The following ZNF91 variants were observed in gnomAD, a reference collection of about 807,000 sequenced individuals.
ZNF91 encodes the protein zinc finger protein 91 (HPF7, HTF10).
In ZNF91, 7 loss-of-function variants were observed where a neutral mutation model predicts 12.6. The observed-to-expected ratio is 0.55, with a 90% confidence interval of 0.31 to 1.04. The LOEUF is 1.04. Ranked by LOEUF, ZNF91 falls within the 50% of genes least tolerant of loss-of-function variation. The pLI is 0.05. For synonymous variants in ZNF91, 453 were observed against 462.6 expected, an observed-to-expected ratio of 0.98 and a Z score of 0.27; for missense variants, 1,217 against 1,385.4, an observed-to-expected ratio of 0.88 and a Z score of 1.93.
At position 23,395,399 on chromosome 19, in the gene ZNF91, G is replaced by A. The variant is rs1424559417; in HGVS notation, c.-45C>T. 8.1e-6 allele frequency: 13 copies of A among 1,609,980 alleles called. No individual in the cohort carries two copies. Among genetic ancestry groups the A allele is most frequent in the Middle Eastern group, 1.7e-4 (1 of 6,040 alleles). ...TACCTGCAGGTCACAGGGCCACACA[G>A]GCTGGGCCTCCTGGAGCAGAGGACA... On this transcript the variant is annotated 5_prime_UTR_variant, in exon 1 of 4. Transcript: ENST00000300619.
chr19:23,355,946 G>A (rs1012635582), downstream of ZNF91, among the ~76,000 whole-genome samples: 5 of 152,138 alleles, frequency 3.3e-5, no homozygotes, highest in African/African-American at 1.2e-4. Context: ...AACCCACAAT[G>A]CGATACCACC....
chr19:23,327,890 AATTTG>A (rs1173258510), intron 1 of ZNF91: 9 of 152,160 alleles, frequency 5.9e-5, no homozygotes, highest in Admixed American at 5.2e-4. Flanking sequence ...TGTTTCTCTG[AATTTG>A]ATTTGTGTTT....
chr19:23,315,703 G>C (rs1275112673), intron 1 of ZNF91, among the ~76,000 whole-genome samples: 1 of 152,178 alleles, frequency 6.6e-6, no homozygotes, highest in Non-Finnish European at 1.5e-5. Context: ...AGATAAGTGA[G>C]CACTGACTCT....
At chr19:23,376,494 A>C (rs1969509607) in intron 1 of ZNF91, among the ~76,000 whole-genome samples, 1 of 151,842 alleles carries the variant, frequency 6.6e-6, no homozygotes, top group South Asian at 2.1e-4. Context: ...GGTTCAAGCA[A>C]TTCTCCTGCC....
intron 1 of ZNF91, among the ~76,000 whole-genome samples, chr19:23,323,636 CCTTCT>C (rs1463283551): frequency 4.9e-5 from 7 of 141,808 alleles, no homozygotes; most frequent in South Asian, 2.3e-4. Context: ...TTCTCCTCCT[CCTTCT>C]CTTCTCCTCT....
At chr19:23,321,984 C>T (rs1318423509) in intron 1 of ZNF91, among the ~76,000 whole-genome samples, 4 of 152,174 alleles carry the variant, frequency 2.6e-5, no homozygotes, top group Non-Finnish European at 5.9e-5. Context: ...CTTCTCTTAC[C>T]TGGGCTTTGC....
intron 1 of ZNF91, among the ~76,000 whole-genome samples, chr19:23,318,202 G>A (rs977158080): frequency 1.4e-4 from 22 of 152,132 alleles, no homozygotes; most frequent in African/African-American, 5.3e-4. Context: ...TGATTCTCCT[G>A]TCTGTACCCT....
chr19:23,307,546 C>T (rs1479262895), intron 2 of ZNF91: 2 of 152,238 alleles, frequency 1.3e-5, no homozygotes, highest in Non-Finnish European at 2.9e-5. Flanking sequence ...GGGGACCTGT[C>T]CACAGTGAAG....
chr19:23,322,272 A>T (rs985522291), intron 1 of ZNF91, among the ~76,000 whole-genome samples: 1 of 152,108 alleles, frequency 6.6e-6, no homozygotes, highest in Non-Finnish European at 1.5e-5. Context: ...TTCCTCTCAG[A>T]AAGTATTGTG....
At position 23,359,031 on chromosome 19, in the gene ZNF91, G is replaced by C; in HGVS notation, c.*372C>G. On this transcript the variant is annotated 3_prime_UTR_variant, in exon 4 of 4. Transcript: ENST00000300619. ...AGGCTTTGCCAAATTTTTCCTGTTTGTAGGGTTGCTGTCCAGTATGAATTT... is the reference window on the plus strand; with the variant it reads ...AGGCTTTGCCAAATTTTTCCTGTTTCTAGGGTTGCTGTCCAGTATGAATTT... 1 of 522,724 alleles carries C rather than the reference G, an allele frequency of 1.9e-6. No homozygotes were observed. The highest frequency in any genetic ancestry group is 3.7e-6 in the Non-Finnish European group (1 of 268,652). The allele number at this position is 522,724 out of a possible 1,614,324, so 32.4% of individuals were successfully genotyped here.
exon 2 of ZNF91, chr19:23,309,090 T>C (rs1967433681): frequency 6.7e-6 from 1 of 148,340 alleles, no homozygotes; most frequent in East Asian, 2.0e-4. Flanking sequence ...TTCTCTTCTG[T>C]CTGGGCCCTG....
rs957622798 is a variant in ZNF91, at chr19:23,361,204, T to C, written c.1775A>G (p.His592Arg). Residue 592 changes from histidine (H) to arginine (R), a missense_variant, in exon 4 of 4, where the codon CAT (histidine) becomes CGT (arginine). By Grantham distance (29) the His-to-Arg change is conservative. This residue lies in a region of ZNF91 where 726 missense variants were observed against 895.5 expected (regional missense o/e 0.81). Transcript: ENST00000300619. ...AFNHSSSLST[H>R]KIIHTGEKSY... ...CTTCTCTCCAGTATGAATTATCTTATGTGTAGAAAGACTTGAGGAATGATT... is the reference window on the plus strand; with the variant it reads ...CTTCTCTCCAGTATGAATTATCTTACGTGTAGAAAGACTTGAGGAATGATT... 7 of 1,613,702 alleles carry C rather than the reference T, an allele frequency of 4.3e-6. No individual in the cohort carries two copies. Among genetic ancestry groups the C allele is most frequent in the East Asian group, 4.5e-5 (2 of 44,830 alleles).
At chr19:23,387,694 C>T (rs989872596) in intron 1 of ZNF91, among the ~76,000 whole-genome samples, 4 of 152,274 alleles carry the variant, frequency 2.6e-5, no homozygotes, top group Admixed American at 2.0e-4. Flanking sequence ...AATCCCAGAA[C>T]TTTGGGAGGC....
chr19:23,365,059 A>G (rs1233989238), intron 3 of ZNF91, among the ~76,000 whole-genome samples: 2 of 152,162 alleles, frequency 1.3e-5, no homozygotes, highest in South Asian at 2.1e-4. Context: ...ATTAGGCACC[A>G]TCAACTAGAT....
At chr19:23,330,049 T>C (rs1777221023) in intron 1 of ZNF91, among the ~76,000 whole-genome samples, 1 of 152,184 alleles carries the variant, frequency 6.6e-6, no homozygotes, top group Admixed American at 6.5e-5. Context: ...TTACTGGGAC[T>C]CGCGGCCAGG....
chr19:23,322,048 C>G (rs1410262937), intron 1 of ZNF91, among the ~76,000 whole-genome samples: 1 of 152,190 alleles, frequency 6.6e-6, no homozygotes, highest in Admixed American at 6.5e-5. Context: ...ACACTCTCCT[C>G]TGATTGTTAC....
At chr19:23,388,556 C>A (rs1969952982) in intron 1 of ZNF91, among the ~76,000 whole-genome samples, 1 of 152,006 alleles carries the variant, frequency 6.6e-6, no homozygotes. Flanking sequence ...CAACATGAAG[C>A]TGGAGACCAT....
chr19:23,376,560 T>A (rs1432058213), intron 1 of ZNF91, among the ~76,000 whole-genome samples: 2 of 152,078 alleles, frequency 1.3e-5, no homozygotes, highest in Non-Finnish European at 2.9e-5. Context: ...CAGCTAATTT[T>A]GTATTTTTTG....
chr19:23,369,522 G>A (rs1446384067), intron 3 of ZNF91, among the ~76,000 whole-genome samples: 1 of 152,172 alleles, frequency 6.6e-6, no homozygotes, highest in Admixed American at 6.5e-5. Context: ...ACAGCTCATT[G>A]AGAAGGGGCC....
Sources: gnomAD v4.1 joint callset for allele counts (sites outside exome capture counted in the v4.1 genomes callset) on GRCh38, gnomAD v4.1.1 for gene constraint, gnomAD v4.1.1 regional missense constraint, MANE v1.5 for transcripts, NCBI Gene and HGNC (gene_info 2026-07-23, HGNC 2026-07-21) for gene names.